Variants in EPHA7 observed in about 807,000 individuals in gnomAD.
The protein encoded by EPHA7 is EPH receptor A7.
In EPHA7, 25 loss-of-function variants were observed where a neutral mutation model predicts 112.6. The observed-to-expected ratio is 0.22, with a 90% CI of 0.16 to 0.31. EPHA7 has a LOEUF of 0.31. Among genes scored for constraint, EPHA7 ranks in the 10% least tolerant of loss-of-function variants. The pLI is 1.00. For missense variants in EPHA7, 962 were observed against 1,212.6 expected, an observed-to-expected ratio of 0.79 and a Z score of 3.07; for synonymous variants, 437 against 406.5, an observed-to-expected ratio of 1.07 and a Z score of -0.90.
chr6:93,266,167 C>G (rs2127871607), intron 7 of EPHA7, among the ~76,000 whole-genome samples: 1 of 151,766 alleles, frequency 6.6e-6, no homozygotes, highest in Middle Eastern at 3.4e-3. Context: ...AAGATGACTT[C>G]AAGTCTTTTA....
At chr6:93,283,556 G>A (rs181843408) in intron 5 of EPHA7, among the ~76,000 whole-genome samples, 655 of 152,098 alleles carry the variant, frequency 4.3e-3, no homozygotes, top group Non-Finnish European at 7.8e-3. Flanking sequence ...GCAAGACCAC[G>A]AACCCACCAG....
At chr6:93,309,360 G>C (rs1237251992) in intron 5 of EPHA7, among the ~76,000 whole-genome samples, 1 of 152,016 alleles carries the variant, frequency 6.6e-6, no homozygotes, top group Non-Finnish European at 1.5e-5. Context: ...CTTTCAAAAT[G>C]TTCTATACAT....
Position 93,410,191 on chromosome 6 carries a change from T to C in EPHA7, c.832+310A>G, listed in dbSNP as rs1492968. 6,213 of 262,910 alleles carry C rather than the reference T, an allele frequency of 0.024. 369 individuals are homozygous for C. The highest frequency in any genetic ancestry group is 0.12 in the African/African-American group (5,695 of 45,818). 16.3% of individuals were successfully genotyped at this position (262,910 alleles called of 1,614,324 possible). On this transcript the variant is annotated intron_variant, in intron 3 of 16. Transcript: ENST00000369303. The surrounding 1 kb of genome is among the most constrained non-coding windows in gnomAD (Gnocchi z 4.0). The stretch of plus-strand genomic sequence containing the variant: ...ATGTCACCTCAGTCTTGCCAGGCTA[T>C]ATGTCCAACTACCCAGACTCCTCTC...
At position 93,263,810 on chromosome 6, in the gene EPHA7, T is replaced by C. The variant is rs1310110066; in HGVS notation, c.1798+50A>G. 2.0e-6 allele frequency: 3 copies of C among 1,494,826 alleles called. No homozygotes were observed. In the Admixed American group the frequency reaches 5.3e-5, roughly 26 times the overall value. The allele number at this position is 1,494,826 out of a possible 1,614,324, so 92.6% of individuals were successfully genotyped here. ...GTTAATGCCAATGCTAATAACCAGA[T>C]TTTTCTGTTAATAGGGGTACATCAT... is the stretch of plus-strand genomic sequence containing the variant. On this transcript the variant is annotated intron_variant, in intron 9 of 16. Coordinates refer to ENST00000369303, the MANE Select transcript of EPHA7 (RefSeq NM_004440.4).
chr6:93,363,034 A>G (rs1582598100), intron 3 of EPHA7, among the ~76,000 whole-genome samples: 1 of 152,206 alleles, frequency 6.6e-6, no homozygotes, highest in East Asian at 1.9e-4. Context: ...TTTATCTCAG[A>G]CATACTTCAC....
chr6:93,346,869 C>T (rs1775429070), intron 5 of EPHA7, among the ~76,000 whole-genome samples: 1 of 151,694 alleles, frequency 6.6e-6, no homozygotes, highest in African/African-American at 2.4e-5. Flanking sequence ...AACTTCTTTA[C>T]TCTAAAGTGG....
intron 5 of EPHA7, among the ~76,000 whole-genome samples, chr6:93,316,760 T>C (rs1773833745): frequency 6.6e-6 from 1 of 152,182 alleles, no homozygotes; most frequent in South Asian, 2.1e-4. Flanking sequence ...TTCAAGAATT[T>C]CCTATTGATA....
chr6:93,370,868 A>G (rs1562132050), intron 3 of EPHA7, among the ~76,000 whole-genome samples: 1 of 151,846 alleles, frequency 6.6e-6, no homozygotes, highest in Non-Finnish European at 1.5e-5. Flanking sequence ...ACAGTCGGCA[A>G]GGCGCGGTGG....
chr6:93,305,102 G>GTT (rs367638370), intron 5 of EPHA7, among the ~76,000 whole-genome samples: 1 of 149,992 alleles, frequency 6.7e-6, no homozygotes, highest in Non-Finnish European at 1.5e-5. Flanking sequence ...ATTTTTATGT[G>GTT]TTTTTTTTTG....
At chr6:93,344,343 G>C (rs1217245416) in intron 5 of EPHA7, among the ~76,000 whole-genome samples, 1 of 151,412 alleles carries the variant, frequency 6.6e-6, no homozygotes, top group South Asian at 2.1e-4. Context: ...GCTATATTTG[G>C]GTTCTTGGTG....
chr6:93,292,354 T>C (rs939492830), intron 5 of EPHA7, among the ~76,000 whole-genome samples: 2 of 152,206 alleles, frequency 1.3e-5, no homozygotes, highest in Non-Finnish European at 2.9e-5. Context: ...TGCTACCTAA[T>C]ATTTTAATTT....
In EPHA7 at chr6:93,246,797, A is replaced by G. The variant is rs1562040318; in HGVS notation, c.2721T>C (p.Cys907=). ...PNSLKTPLGT[C]SRPISPLLDQ... ...TTCCCTTAGGCATTTCTTACCTACT[A>G]CAAGTTCCCAGGGGAGTTTTCAGAC... The change falls in exon 15 of 17, where the codon TGT becomes TGC. Residue 907 remains cysteine (C), a synonymous_variant. Coordinates refer to ENST00000369303, the MANE Select transcript of EPHA7 (RefSeq NM_004440.4). 1 of 1,601,554 alleles carries G rather than the reference A, an allele frequency of 6.2e-7. No individual in the cohort carries two copies. Among genetic ancestry groups the G allele is most frequent in the Non-Finnish European group, 8.6e-7 (1 of 1,169,526 alleles).
At chr6:93,280,796 T>C (rs1028132955) in intron 5 of EPHA7, among the ~76,000 whole-genome samples, 2 of 152,108 alleles carry the variant, frequency 1.3e-5, no homozygotes, top group African/African-American at 4.8e-5. Flanking sequence ...AAATCATTCC[T>C]AGCATGTGGT....
intron 3 of EPHA7, among the ~76,000 whole-genome samples, chr6:93,396,627 C>G (rs182182360): frequency 3.3e-5 from 5 of 151,666 alleles, no homozygotes; most frequent in African/African-American, 1.2e-4. Flanking sequence ...AATGTTTTTA[C>G]GAATAGATTT....
chr6:93,379,281 A>G (rs978542177), intron 3 of EPHA7, among the ~76,000 whole-genome samples: 2 of 152,100 alleles, frequency 1.3e-5, no homozygotes, highest in African/African-American at 4.8e-5. Flanking sequence ...CCTCCAAAAC[A>G]TAATTTTTCT....
Position 93,258,211 on chromosome 6 carries a change from G to T in EPHA7, c.1998C>A (p.Thr666=). The T allele has an allele frequency of 6.2e-7, 1 of 1,613,142 alleles. No individual in the cohort carries two copies. The highest frequency in any genetic ancestry group is 8.5e-7 in the Non-Finnish European group (1 of 1,179,560). Residue 666 remains threonine, a synonymous_variant, in exon 11 of 17, where the codon ACC becomes ACA. Coordinates refer to ENST00000369303, the MANE Select transcript of EPHA7 (RefSeq NM_004440.4). The part of the protein sequence containing the change: ...GKRDVAVAIK[T]LKVGYTEKQR... Reference sequence around the variant, plus strand: ...GTTTTTCTGTGTAACCAACTTTCAGGGTTTTTATGGCTACTGCAACATCTC... The same window carrying T: ...GTTTTTCTGTGTAACCAACTTTCAGTGTTTTTATGGCTACTGCAACATCTC...
At chr6:93,304,191 G>A (rs578171718) in intron 5 of EPHA7, among the ~76,000 whole-genome samples, 13 of 151,664 alleles carry the variant, frequency 8.6e-5, no homozygotes, top group African/African-American at 3.1e-4. Context: ...GTATATACTT[G>A]TAGTATACAT....
At chr6:93,260,292 A>G (rs979161462) in intron 9 of EPHA7, among the ~76,000 whole-genome samples, 1 of 151,888 alleles carries the variant, frequency 6.6e-6, no homozygotes, top group African/African-American at 2.4e-5. Context: ...AACAACATAG[A>G]ATAATCTTAA....
At chr6:93,247,638 T>C (rs1770014178) in intron 14 of EPHA7, among the ~76,000 whole-genome samples, 1 of 151,936 alleles carries the variant, frequency 6.6e-6, no homozygotes, top group Non-Finnish European at 1.5e-5. Flanking sequence ...CAGCAGGAAA[T>C]AGGGAAAGGG....
Sources: allele counts gnomAD v4.1 joint callset (sites outside exome capture counted in the v4.1 genomes callset), GRCh38; gene constraint gnomAD v4.1.1; non-coding constraint Gnocchi (gnomAD v3.1); transcripts MANE v1.5; gene names NCBI Gene and HGNC (gene_info 2026-07-23, HGNC 2026-07-21).